Variants in FTCD observed in about 807,000 individuals in gnomAD.
FTCD encodes the protein formimidoyltransferase cyclodeaminase, also known as formimidoyltransferase-cyclodeaminase.
FTCD carries 76 observed loss-of-function variants against 62.9 expected under a neutral mutation model. That is an observed-to-expected ratio of 1.21 (90% CI 1.00 to 1.46). The LOEUF (loss-of-function observed/expected upper bound fraction) is 1.46. FTCD is among the 40% of genes most tolerant of loss of function. FTCD has a pLI of 0.00. For missense variants in FTCD, 845 were observed against 751.3 expected, an observed-to-expected ratio of 1.12 and a Z score of -1.46; for synonymous variants, 397 against 336.9, an observed-to-expected ratio of 1.18 and a Z score of -1.95.
At chr21:46,138,464 C>A in intron 12 of FTCD, 44 bp downstream of exon 12, 1 of 1,553,322 alleles carries the variant, frequency 6.4e-7, no homozygotes, top group South Asian at 1.2e-5. Flanking sequence ...ACAGCTGCTT[C>A]CTGCTTTGCG....
At chr21:46,138,026 A>G (rs1475419575) in intron 12 of FTCD, among the ~76,000 whole-genome samples, 3 of 151,940 alleles carry the variant, frequency 2.0e-5, no homozygotes, top group Admixed American at 6.6e-5. Flanking sequence ...CCTCCCAAGT[A>G]GCTGGGACCA....
chr21:46,139,422 C>T (rs573545274), intron 10 of FTCD, among the ~76,000 whole-genome samples: 34 of 152,276 alleles, frequency 2.2e-4, no homozygotes, highest in South Asian at 2.1e-3. Flanking sequence ...ACGGCGTCAC[C>T]GTAAGGCACT....
At chr21:46,153,599 G>A (rs551455899) in intron 2 of FTCD, among the ~76,000 whole-genome samples, 37 of 152,294 alleles carry the variant, frequency 2.4e-4, no homozygotes, top group African/African-American at 6.5e-4. Context: ...TGCCGCCACC[G>A]CCCAGGGCTG....
In FTCD at chr21:46,153,024, G is replaced by A. The variant is rs576603499; in HGVS notation, c.250C>T (p.Arg84Cys). The A allele has an allele frequency of 5.0e-5, 77 of 1,549,044 alleles. No homozygotes were observed. Among genetic ancestry groups the A allele is most frequent in the Admixed American group, 2.9e-4 (15 of 51,010 alleles). The change falls in exon 3 of 14, where the codon CGC becomes TGC. Residue 84 changes from arginine to cysteine, a missense_variant. Transcript: ENST00000397746. ...DMSRHQGEHP[R>C]MGALDVCPFI... ...GGGCAGACGTCTAGGGCCCCCATGC[G>A]GGGGTGCTCTCCTGCAGAGAGACGG...
chr21:46,144,102 C>T (rs1010174913), intron 10 of FTCD, among the ~76,000 whole-genome samples: 1 of 151,908 alleles, frequency 6.6e-6, no homozygotes, highest in South Asian at 2.1e-4. Context: ...GGCCCCTGTG[C>T]GGTGGACATG....
At chr21:46,152,370 C>T (rs763262966) in intron 3 of FTCD, 25 of 222,728 alleles carry the variant, frequency 1.1e-4, no homozygotes, top group African/African-American at 1.6e-4. Context: ...GTGACTGTGA[C>T]GTGGGCCCTG....
intron 10 of FTCD, among the ~76,000 whole-genome samples, chr21:46,139,584 G>A (rs1442679294): frequency 1.3e-5 from 2 of 152,200 alleles, no homozygotes; most frequent in Non-Finnish European, 2.9e-5. Flanking sequence ...CATCTTGGAA[G>A]ATTCAGCCAA....
At chr21:46,145,394 G>T (rs773614691) in intron 10 of FTCD, 23 bp downstream of exon 10, 3 of 1,526,942 alleles carry the variant, frequency 2.0e-6, no homozygotes, top group African/African-American at 2.8e-5. Flanking sequence ...GGCCCGGGGA[G>T]CCCTGCTGTG....
At chr21:46,150,033 T>C in intron 7 of FTCD, 86 bp downstream of exon 7, 2 of 1,242,344 alleles carry the variant, frequency 1.6e-6, no homozygotes, top group Non-Finnish European at 2.3e-6. Context: ...GGAGGGAAGC[T>C]GCGCCCCAGG....
At chr21:46,136,641 G>A (rs947909311), downstream of FTCD, 11 of 1,483,846 alleles carry the variant, frequency 7.4e-6, no homozygotes, top group African/African-American at 1.3e-4. Flanking sequence ...TGGCGCTGAG[G>A]TCTGTCTCCT....
intron 11 of FTCD, 97 bp downstream of exon 11, chr21:46,138,783 C>T: frequency 7.0e-7 from 1 of 1,425,644 alleles, no homozygotes; most frequent in Non-Finnish European, 9.9e-7. Context: ...CACGCCCAGG[C>T]CAACCACGCC....
intron 7 of FTCD, among the ~76,000 whole-genome samples, chr21:46,147,499 C>T (rs2123541430): frequency 6.6e-6 from 1 of 152,292 alleles, no homozygotes; most frequent in African/African-American, 2.4e-5. Flanking sequence ...CAAGAATTAC[C>T]ATAGATAAAA....
At position 46,137,879 on chromosome 21, in the gene FTCD, G is replaced by A. The variant is rs528874114; in HGVS notation, c.1444-545C>T. On this transcript the variant is annotated intron_variant, in intron 12 of 13. Transcript: ENST00000397746. ...CAGTGTGAGGCATCTACTTCCAAGA[G>A]CTGCCTTGTGTGCTTTCTCGTGTTT... is the stretch of plus-strand genomic sequence containing the variant. Among the ~76,000 whole-genome samples the A allele has an allele frequency of 2.6e-5, 4 of 152,310 alleles. No homozygotes were observed. The South Asian group carries it at 6.2e-4, about 24-fold the overall frequency.
chr21:46,145,438 G>C lies in FTCD; in HGVS notation c.1239C>G (p.Ala413=), dbSNP rs764413106. The C allele has an allele frequency of 1.1e-5, 17 of 1,556,330 alleles. No individual in the cohort carries two copies. The highest frequency in any genetic ancestry group is 1.3e-5 in the Non-Finnish European group (15 of 1,151,092). ...AKLTTLVDAD[A]EAFTAYLEAM... ...TCACCAGGTAGGCGGTGAAGGCCTC[G>C]GCGTCGGCATCCACCAGCGTGGTTA... Residue 413 remains alanine (A), a synonymous_variant, in exon 10 of 14, where the codon GCC becomes GCG. Transcript: ENST00000397746.
At position 46,154,202 on chromosome 21, in the gene FTCD, G is replaced by T. The variant is rs1568987124; in HGVS notation, c.185C>A (p.Ala62Asp). 6 of 1,612,852 alleles carry T rather than the reference G, an allele frequency of 3.7e-6. No individual in the cohort carries two copies. Among genetic ancestry groups the T allele is most frequent in the African/African-American group, 1.3e-5 (1 of 75,070 alleles). The change falls in exon 2 of 14, where the codon GCC becomes GAC. Residue 62 changes from alanine (A) to aspartate (D), a missense_variant. By Grantham distance (126) the Ala-to-Asp change is moderately radical (BLOSUM62 -2). Coordinates refer to ENST00000397746, the MANE Select transcript of FTCD (RefSeq NM_206965.2). ...GGAAGCTACCCGGGCAGCGTTGAGG[G>T]CCCCCTCCACCACGCACTCCGGCGG... is the stretch of plus-strand genomic sequence containing the variant. ...VGPPECVVEGALNAARVASRL... is the reference protein window; with the variant it reads ...VGPPECVVEGDLNAARVASRL...
At chr21:46,154,425 G>A in intron 1 of FTCD, 93 bp from the exon 2 acceptor site, 1 of 1,423,002 alleles carries the variant, frequency 7.0e-7, no homozygotes, top group Non-Finnish European at 9.6e-7. Context: ...ACACAAATGG[G>A]GGCTGAGGAG....
chr21:46,137,455 A>C, intron 12 of FTCD, 121 bp from the exon 13 acceptor site: 1 of 798,196 alleles, frequency 1.3e-6, no homozygotes, highest in Non-Finnish European at 2.2e-6. Flanking sequence ...CAAGGAGCCC[A>C]GCGCAGCCCC....
chr21:46,139,634 G>C (rs541283674), intron 10 of FTCD, among the ~76,000 whole-genome samples: 1 of 152,176 alleles, frequency 6.6e-6, no homozygotes, highest in Admixed American at 6.5e-5. Context: ...CCCTACCCTC[G>C]ACCATGGATG....
At chr21:46,138,771 A>G in intron 11 of FTCD, 109 bp downstream of exon 11, 1 of 1,436,428 alleles carries the variant, frequency 7.0e-7, no homozygotes. Context: ...CCAAACACCC[A>G]GCACGCCCAG....
Sources: gnomAD v4.1 joint callset for allele counts (sites outside exome capture counted in the v4.1 genomes callset) on GRCh38, gnomAD v4.1.1 for gene constraint, MANE v1.5 for transcripts, NCBI Gene and HGNC (gene_info 2026-07-23, HGNC 2026-07-21) for gene names.